Variants in NFAT5 observed in about 807,000 individuals in gnomAD.
The protein encoded by NFAT5 is nuclear factor of activated T cells 5.
NFAT5 carries 31 observed loss-of-function variants against 166.5 expected under a neutral mutation model. The ratio of observed to expected loss-of-function variants is 0.19; its 90% CI spans 0.14 to 0.25. The LOEUF (loss-of-function observed/expected upper bound fraction) is 0.25. Among genes scored for constraint, NFAT5 ranks in the 10% least tolerant of loss-of-function variants. NFAT5 has a pLI of 1.00. For synonymous variants in NFAT5, 612 were observed against 639.7 expected, an observed-to-expected ratio of 0.96 and a Z score of 0.65; for missense variants, 1,449 against 1,821.8, an observed-to-expected ratio of 0.80 and a Z score of 3.72.
intron 2 of NFAT5, among the ~76,000 whole-genome samples, chr16:69,625,475 T>C (rs2034414071): frequency 6.6e-6 from 1 of 152,070 alleles, no homozygotes; most frequent in Non-Finnish European, 1.5e-5. Flanking sequence ...ACCTTTGCCT[T>C]TCCAGGGTTG....
In NFAT5 at chr16:69,658,028, G is replaced by A. The variant is rs55812380; in HGVS notation, c.1197-1699G>A. 1.7e-3 allele frequency among the ~76,000 whole-genome samples: 255 copies of A among 150,180 alleles called. 2 individuals are homozygous for A. Among genetic ancestry groups the A allele is most frequent in the East Asian group, 7.9e-3 (40 of 5,092 alleles). On this transcript the variant is annotated intron_variant, in intron 6 of 14. Transcript: ENST00000349945. ...TGAACCCGGGAGGCAGACTTGCAGC[G>A]AGCCAAGATCGCTCCACTGCACTCC... is the stretch of plus-strand genomic sequence containing the variant.
At chr16:69,568,996 G>T (rs189189125) in intron 2 of NFAT5, among the ~76,000 whole-genome samples, 1 of 152,274 alleles carries the variant, frequency 6.6e-6, no homozygotes, top group African/African-American at 2.4e-5. Flanking sequence ...TGATGCCATT[G>T]TTATTGCATT....
chr16:69,626,508 C>T lies in NFAT5; in HGVS notation c.233C>T (p.Pro78Leu). The change falls in exon 3 of 15, where the codon CCT becomes CTT. Residue 78 changes from proline to leucine, a missense_variant. By Grantham distance (98) the Pro-to-Leu change is moderately conservative (BLOSUM62 -3). Coordinates refer to ENST00000349945, the MANE Select transcript of NFAT5 (RefSeq NM_138713.4). Reference protein sequence around the residue: ...QTSGGEAGSPPPAVVAADASS... With the variant: ...QTSGGEAGSPLPAVVAADASS... Reference sequence around the variant, plus strand: ...AGCGGTGGTGAGGCAGGCTCGCCTCCTCCAGCTGTTGTTGCTGCTGGTATG... The same window carrying T: ...AGCGGTGGTGAGGCAGGCTCGCCTCTTCCAGCTGTTGTTGCTGCTGGTATG... 2.6e-6 allele frequency: 4 copies of T among 1,564,298 alleles called. No individual in the cohort carries two copies. Among genetic ancestry groups the T allele is most frequent in the Non-Finnish European group, 2.6e-6 (3 of 1,158,910 alleles).
rs1265878261 is a variant in NFAT5, at chr16:69,566,593, G to C, written c.73+219G>C. ...CCCCTCCCCCGCGGAGCCGCCGGCC[G>C]CTCGGGGCCCAGATTCCGTCGGCCC... On this transcript the variant is annotated intron_variant, in intron 1 of 14. Coordinates refer to ENST00000349945, the MANE Select transcript of NFAT5 (RefSeq NM_138713.4). The surrounding 1 kb of genome is among the most constrained non-coding windows in gnomAD (Gnocchi z 5.7). 6.6e-6 allele frequency among the ~76,000 whole-genome samples: 1 copy of C among 151,924 alleles called. No individual in the cohort carries two copies. The highest frequency in any genetic ancestry group is 1.9e-4 in the East Asian group (1 of 5,142).
In NFAT5 at chr16:69,695,286, C is replaced by A. The variant is rs774499656; in HGVS notation, c.4565C>A (p.Ser1522Tyr). Residue 1522 changes from serine to tyrosine, a missense_variant, in exon 14 of 15, where the codon TCT becomes TAT. Coordinates refer to ENST00000349945, the MANE Select transcript of NFAT5 (RefSeq NM_138713.4). ...QMPENSPLAS[S>Y]INTNQNIEKI... ...CCAGAGAATTCTCCACTGGCATCCTCTATAAACACCAACCAGAACATCGAA... is the reference window on the plus strand; with the variant it reads ...CCAGAGAATTCTCCACTGGCATCCTATATAAACACCAACCAGAACATCGAA... 6.2e-7 allele frequency: 1 copy of A among 1,614,208 alleles called. No individual in the cohort carries two copies. Among genetic ancestry groups the A allele is most frequent in the Non-Finnish European group, 8.5e-7 (1 of 1,180,036 alleles).
At chr16:69,600,526 A>G (rs1322519829) in intron 2 of NFAT5, among the ~76,000 whole-genome samples, 2 of 152,064 alleles carry the variant, frequency 1.3e-5, no homozygotes, top group Non-Finnish European at 2.9e-5. Flanking sequence ...AATAGAGGAA[A>G]GTTTTGGAGG....
intron 1 of NFAT5, among the ~76,000 whole-genome samples, chr16:69,567,947 G>T (rs548500790): frequency 7.9e-5 from 12 of 152,254 alleles, no homozygotes; most frequent in African/African-American, 2.4e-4. Context: ...TTAGCTTCGA[G>T]ACCAATGTAG....
Position 69,698,501 on chromosome 16 carries a change from T to G in NFAT5, c.*2150T>G, listed in dbSNP as rs1597584869. ...GGCGTCTGATAACAGTGAGGGGGGG[T>G]GGGGTTTGTTATGTCTTTATTGAGT... On this transcript the variant is annotated 3_prime_UTR_variant, in exon 15 of 15. Transcript: ENST00000349945. 6.8e-6 allele frequency: 1 copy of G among 147,600 alleles called. No homozygotes were observed. The highest frequency in any genetic ancestry group is 1.5e-5 in the Non-Finnish European group (1 of 66,668). The allele number at this position is 147,600 out of a possible 1,614,324, so 9.1% of individuals were successfully genotyped here.
intron 2 of NFAT5, among the ~76,000 whole-genome samples, chr16:69,592,450 A>G (rs2032526759): frequency 6.6e-6 from 1 of 152,118 alleles, no homozygotes; most frequent in East Asian, 1.9e-4. Context: ...TTCAAAAATT[A>G]TTATAGTATC....
intron 11 of NFAT5, among the ~76,000 whole-genome samples, chr16:69,687,594 A>G (rs764158791): frequency 2.0e-5 from 3 of 152,170 alleles, no homozygotes; most frequent in African/African-American, 4.8e-5. Flanking sequence ...TCAGTGGTCA[A>G]CTGAGGATAG....
intron 2 of NFAT5, among the ~76,000 whole-genome samples, chr16:69,587,927 G>C (rs912663305): frequency 3.6e-5 from 5 of 140,510 alleles, no homozygotes; most frequent in Non-Finnish European, 6.2e-5. Flanking sequence ...AGGCACTTTG[G>C]TAATTTATAG....
chr16:69,667,547 C>T (rs900123838), intron 7 of NFAT5, among the ~76,000 whole-genome samples: 3 of 148,068 alleles, frequency 2.0e-5, no homozygotes, highest in Non-Finnish European at 3.0e-5. Flanking sequence ...AATGTAAATA[C>T]GAATATGTAG....
In NFAT5 at chr16:69,703,705, G is replaced by A. The variant is rs1365402195; in HGVS notation, c.*7354G>A. The A allele has an allele frequency of 6.6e-6, 1 of 152,564 alleles. No homozygotes were observed. The highest frequency in any genetic ancestry group is 1.5e-5 in the Non-Finnish European group (1 of 68,012). The allele number at this position is 152,564 out of a possible 1,614,324, so 9.5% of individuals were successfully genotyped here. On this transcript the variant is annotated 3_prime_UTR_variant, in exon 15 of 15. Transcript: ENST00000349945. Reference sequence around the variant, plus strand: ...AAATTTTGGTGCTGGCAAATACATAGGCAAACTGTTGGGAGCTGCTCTAGT... The same window carrying A: ...AAATTTTGGTGCTGGCAAATACATAAGCAAACTGTTGGGAGCTGCTCTAGT...
At chr16:69,632,608 C>T (rs2034769100) in intron 3 of NFAT5, 1 of 152,104 alleles carries the variant, frequency 6.6e-6, no homozygotes, top group Non-Finnish European at 1.5e-5. Context: ...ACTTAATTTA[C>T]TTACGTTAGA....
chr16:69,662,478 A>G (rs1373054540), intron 7 of NFAT5, among the ~76,000 whole-genome samples: 2 of 112,494 alleles, frequency 1.8e-5, no homozygotes, highest in African/African-American at 8.0e-5. Flanking sequence ...TTTTTTTGAG[A>G]CGGAGTCTCG....
At chr16:69,580,134 CTA>C (rs933907908) in intron 2 of NFAT5, among the ~76,000 whole-genome samples, 7 of 151,866 alleles carry the variant, frequency 4.6e-5, no homozygotes, top group Admixed American at 2.0e-4. Flanking sequence ...AATGTAATAA[CTA>C]TTTTAATGTA....
At chr16:69,616,958 T>C (rs963045564) in intron 2 of NFAT5, among the ~76,000 whole-genome samples, 10 of 150,306 alleles carry the variant, frequency 6.7e-5, no homozygotes, top group African/African-American at 2.2e-4. Context: ...TTTTTTTTTT[T>C]CTTTGAGATG....
At chr16:69,571,308 AAAC>A (rs919242044) in intron 2 of NFAT5, among the ~76,000 whole-genome samples, 10 of 150,430 alleles carry the variant, frequency 6.6e-5, no homozygotes, top group African/African-American at 2.2e-4. Flanking sequence ...TGTCTCAAAA[AAAC>A]AACAACAAAC....
intron 2 of NFAT5, among the ~76,000 whole-genome samples, chr16:69,616,623 T>C (rs1282491948): frequency 6.6e-6 from 1 of 152,110 alleles, no homozygotes; most frequent in Non-Finnish European, 1.5e-5. Context: ...TCCCACCTCT[T>C]GGGCACTAAC....
Sources: allele counts gnomAD v4.1 joint callset (sites outside exome capture counted in the v4.1 genomes callset), GRCh38; gene constraint gnomAD v4.1.1; non-coding constraint Gnocchi (gnomAD v3.1); transcripts MANE v1.5; gene names NCBI Gene and HGNC (gene_info 2026-07-23, HGNC 2026-07-21).